Variants in FRMPD4 observed in about 807,000 individuals in gnomAD.
The protein encoded by FRMPD4 is FERM and PDZ domain-containing protein 4.
A neutral mutation model predicts 94.1 loss-of-function variants in FRMPD4; 22 were observed. The ratio of observed to expected loss-of-function variants is 0.23; its 90% CI spans 0.17 to 0.33. The LOEUF (loss-of-function observed/expected upper bound fraction) is 0.33, where lower values mean the gene tolerates loss of function less well. Among genes scored for constraint, FRMPD4 ranks in the 10% least tolerant of loss-of-function variants. The probability of loss-of-function intolerance (pLI) is 1.00; values close to 1 mark genes in which losing one functional copy is unlikely to be tolerated. For missense variants in FRMPD4, 1,111 were observed against 1,339.9 expected, an observed-to-expected ratio of 0.83 and a Z score of 2.67; for synonymous variants, 631 against 548.6, an observed-to-expected ratio of 1.15 and a Z score of -2.10.
intron 3 of FRMPD4, among the ~76,000 whole-genome samples, chrX:12,116,253 C>T (rs1345226047): frequency 8.9e-6 from 1 of 112,470 alleles, no homozygotes; most frequent in African/African-American, 3.2e-5. Context: ...ACATGCCAAG[C>T]CCTTTCAACC....
At chrX:12,623,554 T>C (rs1384746699) in intron 4 of FRMPD4, among the ~76,000 whole-genome samples, 4 of 73,845 alleles carry the variant, frequency 5.4e-5, no homozygotes, top group Admixed American at 1.7e-4. Flanking sequence ...ATATGCATTA[T>C]GGGAATATTA....
At chrX:12,316,568 C>T in intron 1 of FRMPD4, among the ~76,000 whole-genome samples, 1 of 111,777 alleles carries the variant, frequency 8.9e-6, no homozygotes, top group East Asian at 2.8e-4. Context: ...TGAAAACTTG[C>T]TGATATTATT....
intron 3 of FRMPD4, among the ~76,000 whole-genome samples, chrX:11,928,659 G>T (rs1362515062): frequency 8.9e-6 from 1 of 112,478 alleles, no homozygotes; most frequent in Non-Finnish European, 1.9e-5. Context: ...TACACTGTTG[G>T]TTGGAGTGTA....
intron 1 of FRMPD4, among the ~76,000 whole-genome samples, chrX:12,288,692 A>C (rs2054638368): frequency 8.9e-6 from 1 of 111,916 alleles, no homozygotes; most frequent in Non-Finnish European, 1.9e-5. Context: ...AGTTTTTTGC[A>C]GACCAGTCGT....
At chrX:12,450,989 C>T (rs555079119) in intron 1 of FRMPD4, among the ~76,000 whole-genome samples, 2 of 109,055 alleles carry the variant, frequency 1.8e-5, no homozygotes, top group Non-Finnish European at 3.8e-5. Context: ...AGTGAATGGT[C>T]GACAAGGCCC....
intron 1 of FRMPD4, among the ~76,000 whole-genome samples, chrX:12,220,183 A>C (rs934396928): frequency 1.8e-5 from 2 of 109,768 alleles, no homozygotes; most frequent in African/African-American, 6.8e-5. Context: ...ACAACAACAC[A>C]AAAAAACAAA....
chrX:12,716,347 C>A lies in FRMPD4; in HGVS notation c.1888C>A (p.Leu630Ile). The change falls in exon 15 of 17, where the codon CTA becomes ATA. Residue 630 changes from leucine to isoleucine, a missense_variant. Around this residue, in one of 8 missense-constraint regions of FRMPD4, gnomAD observed 192 missense variants for 192.5 expected, o/e 1.00. Coordinates refer to ENST00000675598, the MANE Select transcript of FRMPD4 (RefSeq NM_001368397.1). ...ADYRSLAQRS[L>I]LTLSGPETLK... ...CTACAGAAGTCTAGCTCAGCGGTCC[C>A]TATTGACCCTCTCAGGACCAGAAAC... is the stretch of plus-strand genomic sequence containing the variant. 8.3e-7 allele frequency: 1 copy of A among 1,211,598 alleles called. No homozygotes were observed.
chrX:12,467,927 T>G (rs2057466500), intron 1 of FRMPD4, among the ~76,000 whole-genome samples: 1 of 111,944 alleles, frequency 8.9e-6, no homozygotes, highest in South Asian at 3.7e-4. Context: ...ACAGAGTAAC[T>G]CCTGGTTTCA....
At chrX:12,551,721 TA>T (rs1569331664) in intron 2 of FRMPD4, among the ~76,000 whole-genome samples, 1 of 110,957 alleles carries the variant, frequency 9.0e-6, no homozygotes, top group Non-Finnish European at 1.9e-5. Flanking sequence ...GAGATTTAAT[TA>T]GTCTTCTGTT....
chrX:11,992,416 G>A (rs2054469894), intron 3 of FRMPD4, among the ~76,000 whole-genome samples: 4 of 111,442 alleles, frequency 3.6e-5, no homozygotes, highest in Non-Finnish European at 7.5e-5. Context: ...TGCTATTGCT[G>A]TGGCCATGTT....
rs2042124050 is a variant in FRMPD4 at position 12,717,818 on chromosome X, G to C, written c.2992G>C (p.Glu998Gln). Residue 998 changes from glutamate (E) to glutamine (Q), a missense_variant, in exon 16 of 17, where the codon GAG becomes CAG. Glu to Gln is a conservative substitution (Grantham distance 29). This residue lies in a region of FRMPD4 where 551 missense variants were observed against 591.6 expected (regional missense o/e 0.93). Transcript: ENST00000675598. Reference sequence around the variant, plus strand: ...ACTTCACTCAGACCACATGGAGATGGAGCCTGAAACTATGGAGACTAAGTC... The same window carrying C: ...ACTTCACTCAGACCACATGGAGATGCAGCCTGAAACTATGGAGACTAAGTC... The part of the protein sequence containing the change: ...QLLHSDHMEM[E>Q]PETMETKSVT... 1 of 1,210,832 alleles carries C rather than the reference G, an allele frequency of 8.3e-7. No homozygotes were observed. The highest frequency in any genetic ancestry group is 2.2e-5 in the Admixed American group (1 of 46,114).
At chrX:12,594,560 C>T (rs895812797) in intron 2 of FRMPD4, among the ~76,000 whole-genome samples, 3 of 110,430 alleles carry the variant, frequency 2.7e-5, no homozygotes, top group Admixed American at 1.9e-4. Context: ...CTCAGCCTCC[C>T]GAGTAGCTGG....
At chrX:12,043,794 C>T (rs1033026472) in intron 3 of FRMPD4, among the ~76,000 whole-genome samples, 2 of 111,854 alleles carry the variant, frequency 1.8e-5, no homozygotes, top group African/African-American at 6.5e-5. Context: ...GAAGAATATA[C>T]ATATCATAGT....
chrX:12,219,328 C>A (rs190962918), intron 1 of FRMPD4, among the ~76,000 whole-genome samples: 2 of 111,003 alleles, frequency 1.8e-5, no homozygotes, highest in African/African-American at 6.6e-5. Context: ...ATGTTCACAC[C>A]GTCGCACCCC....
chrX:12,270,493 A>G (rs191648856), intron 1 of FRMPD4, among the ~76,000 whole-genome samples: 14 of 111,742 alleles, frequency 1.3e-4, no homozygotes, highest in Non-Finnish European at 2.3e-4. Context: ...AGGACTAAAT[A>G]TCATGATCAA....
intron 3 of FRMPD4, among the ~76,000 whole-genome samples, chrX:11,897,456 A>T (rs2053910729): frequency 8.9e-6 from 1 of 112,218 alleles, no homozygotes; most frequent in East Asian, 2.8e-4. Flanking sequence ...GGGTATGGCT[A>T]AAACAGAAGT....
At chrX:12,346,575 C>T (rs1167248656) in intron 1 of FRMPD4, among the ~76,000 whole-genome samples, 1 of 111,642 alleles carries the variant, frequency 9.0e-6, no homozygotes, top group Non-Finnish European at 1.9e-5. Flanking sequence ...TATATTCCCT[C>T]CCTTTTTGTC....
chrX:12,450,412 G>T (rs1408396270), intron 1 of FRMPD4, among the ~76,000 whole-genome samples: 1 of 111,571 alleles, frequency 9.0e-6, no homozygotes, highest in Non-Finnish European at 1.9e-5. Flanking sequence ...TTAATTTCAA[G>T]TTCATCTCAT....
At position 11,970,169 on chromosome X, in the gene FRMPD4, G is replaced by A. The variant is rs1242833978; in HGVS notation, c.95+92151G>A. ...CTTTTCCAAAGCCGCATATTATTAAGGTTCTGCATTTCCTTTTCAACTCAG... is the reference window on the plus strand; with the variant it reads ...CTTTTCCAAAGCCGCATATTATTAAAGTTCTGCATTTCCTTTTCAACTCAG... On this transcript the variant is annotated intron_variant, in intron 3 of 18. Transcript: ENST00000640291. Among the ~76,000 whole-genome samples, 3 of 112,138 alleles carry A rather than the reference G, an allele frequency of 2.7e-5. No individual in the cohort carries two copies. In the East Asian group the frequency reaches 8.3e-4, roughly 31 times the overall value.
Sources: gnomAD v4.1 joint callset for allele counts (sites outside exome capture counted in the v4.1 genomes callset) on GRCh38, gnomAD v4.1.1 for gene constraint, gnomAD v4.1.1 regional missense constraint, MANE v1.5 for transcripts, NCBI Gene and HGNC (gene_info 2026-07-23, HGNC 2026-07-21) for gene names.